NOL4L: variants seen among roughly 807,000 people sequenced by gnomAD.
NOL4L encodes the protein nucleolar protein 4-like.
A neutral mutation model predicts 64.5 loss-of-function variants in NOL4L; 7 were observed. That is an observed-to-expected ratio of 0.11 (90% confidence interval 0.06 to 0.20). The LOEUF is 0.20. Among genes scored for constraint, NOL4L ranks in the 10% least tolerant of loss-of-function variants. NOL4L has a pLI of 1.00. For synonymous variants in NOL4L, 413 were observed against 401.0 expected, an observed-to-expected ratio of 1.03 and a Z score of -0.36; for missense variants, 680 against 967.1, an observed-to-expected ratio of 0.70 and a Z score of 3.94.
At position 32,453,382 on chromosome 20, in the gene NOL4L, C is replaced by G. The variant is rs1316130755; in HGVS notation, c.1419G>C (p.Glu473Asp). The change falls in exon 8 of 11, where the codon GAG becomes GAC. Residue 473 changes from glutamate (E) to aspartate (D), a missense_variant. This residue lies in a region of NOL4L where 70 missense variants were observed against 166.1 expected (regional missense o/e 0.42). Transcript: ENST00000621426. This position sits in a 1 kb window ranked among gnomAD's most constrained non-coding sequence, Gnocchi z 5.6. ...IIESCSRQFP[E>D]FQERARKRIR... ...TGCGCTTGCGGGCCCGCTCCTGGAA[C>G]TCAGGGAACTGCCGGCTGCAGGACT... The G allele has an allele frequency of 1.2e-6, 2 of 1,614,018 alleles. No homozygotes were observed. Among genetic ancestry groups the G allele is most frequent in the African/African-American group, 1.3e-5 (1 of 74,912 alleles).
intron 10 of NOL4L, among the ~76,000 whole-genome samples, chr20:32,450,805 G>A (rs368934435): frequency 1.3e-5 from 2 of 152,266 alleles, no homozygotes; most frequent in East Asian, 3.9e-4. Flanking sequence ...TTTCTTCCTG[G>A]AATGAAAGGA....
At chr20:32,535,313 C>G (rs2018483362) in intron 1 of NOL4L, 1 of 151,130 alleles carries the variant, frequency 6.6e-6, no homozygotes, top group Admixed American at 6.6e-5. Context: ...GAATTTACCC[C>G]AGAATTTTAG....
At chr20:32,490,461 T>C (rs1280797777) in intron 4 of NOL4L, among the ~76,000 whole-genome samples, 2 of 152,106 alleles carry the variant, frequency 1.3e-5, no homozygotes, top group Admixed American at 6.5e-5. Context: ...GAGGAGGATG[T>C]GGAGAATCCA....
At chr20:32,473,658 TC>T (rs1249448406) in intron 5 of NOL4L, among the ~76,000 whole-genome samples, 2 of 152,046 alleles carry the variant, frequency 1.3e-5, no homozygotes, top group African/African-American at 2.4e-5. Flanking sequence ...ACAGCAAGGC[TC>T]CTACCCCTTA....
chr20:32,453,710 C>A lies in NOL4L; in HGVS notation c.1171G>T (p.Gly391Cys). ...SYDSIKTEVSGCPEDLTVGRA... is the reference protein window; with the variant it reads ...SYDSIKTEVSCCPEDLTVGRA... The stretch of plus-strand genomic sequence containing the variant: ...CCCACTGTCAGGTCCTCAGGGCAGC[C>A]GCTGACCTCGGTCTTGATGGAATCG... Residue 391 changes from glycine to cysteine, a missense_variant, in exon 7 of 11, where the codon GGC (glycine) becomes TGC (cysteine). Gly to Cys is a radical substitution (Grantham distance 159). Around this residue, in one of 4 missense-constraint regions of NOL4L, gnomAD observed 254 missense variants for 238.7 expected, o/e 1.06. Coordinates refer to ENST00000621426, the MANE Select transcript of NOL4L (RefSeq NM_001256798.2). This position sits in a 1 kb window ranked among gnomAD's most constrained non-coding sequence, Gnocchi z 5.6. 6.4e-7 allele frequency: 1 copy of A among 1,559,074 alleles called. No individual in the cohort carries two copies. Among genetic ancestry groups the A allele is most frequent in the Non-Finnish European group, 8.7e-7 (1 of 1,151,086 alleles).
intron 1 of NOL4L, among the ~76,000 whole-genome samples, chr20:32,569,706 C>T (rs1979643486): frequency 6.6e-6 from 1 of 152,124 alleles, no homozygotes; most frequent in African/African-American, 2.4e-5. Context: ...ACACCAGCCC[C>T]TAGGCTGCCC....
intron 1 of NOL4L, among the ~76,000 whole-genome samples, chr20:32,544,205 G>A (rs1479150089): frequency 6.6e-6 from 1 of 152,044 alleles, no homozygotes; most frequent in African/African-American, 2.4e-5. Flanking sequence ...AGGCAGGGAA[G>A]CCATGGGGAG....
intron 5 of NOL4L, among the ~76,000 whole-genome samples, chr20:32,472,065 C>A (rs911626159): frequency 6.6e-5 from 10 of 152,228 alleles, no homozygotes; most frequent in Non-Finnish European, 1.3e-4. Context: ...AGTCCCCACA[C>A]TCCCGGCGAA....
intron 10 of NOL4L, chr20:32,450,034 C>G (rs1248781821): frequency 6.6e-6 from 1 of 152,306 alleles, no homozygotes; most frequent in Non-Finnish European, 1.5e-5. Flanking sequence ...TGGAGACACC[C>G]CCGTGTAGAC....
rs967263654 is a variant in NOL4L, at chr20:32,446,477, C to A, written c.*1119G>T. On this transcript the variant is annotated 3_prime_UTR_variant, in exon 11 of 11. Coordinates refer to ENST00000621426, the MANE Select transcript of NOL4L (RefSeq NM_001256798.2). ...CCGGGGCTCACCCTGAAGAAGTGGCCCCTCTTGGCAGGAGTGAGTCTGAGG... is the reference window on the plus strand; with the variant it reads ...CCGGGGCTCACCCTGAAGAAGTGGCACCTCTTGGCAGGAGTGAGTCTGAGG... 1 of 152,306 alleles carries A rather than the reference C, an allele frequency of 6.6e-6. No individual in the cohort carries two copies. The highest frequency in any genetic ancestry group is 1.5e-5 in the Non-Finnish European group (1 of 68,118). 9.4% of individuals were successfully genotyped at this position (152,306 alleles called of 1,614,324 possible).
chr20:32,452,339 A>G lies in NOL4L; in HGVS notation c.1719T>C (p.Pro573=), dbSNP rs752411871. Residue 573 remains proline (P), a synonymous_variant, in exon 10 of 11, where the codon CCT becomes CCC. Coordinates refer to ENST00000621426, the MANE Select transcript of NOL4L (RefSeq NM_001256798.2). The part of the protein sequence containing the change: ...SLPASSYSQD[P]VYANGGLNYS... ...AGTTGAGGCCGCCGTTGGCGTACAC[A>G]GGGTCCTGGGAGTAGGAGGAGGCTG... is the stretch of plus-strand genomic sequence containing the variant. The G allele has an allele frequency of 2.9e-5, 47 of 1,610,324 alleles. 1 individual carries two copies. The highest frequency in any genetic ancestry group is 1.8e-4 in the Admixed American group (11 of 59,654).
chr20:32,473,932 C>T (rs372391036), intron 5 of NOL4L, among the ~76,000 whole-genome samples: 2 of 152,230 alleles, frequency 1.3e-5, no homozygotes, highest in African/African-American at 4.8e-5. Flanking sequence ...GGTCCCAGAG[C>T]CCAACCACTT....
chr20:32,531,162 G>A (rs980878529), intron 1 of NOL4L, among the ~76,000 whole-genome samples: 2 of 152,140 alleles, frequency 1.3e-5, no homozygotes, highest in Non-Finnish European at 2.9e-5. Context: ...AGGCTTAGCT[G>A]CTTAAAGGCC....
intron 1 of NOL4L, among the ~76,000 whole-genome samples, chr20:32,580,527 A>G (rs757198617): frequency 6.6e-5 from 10 of 152,136 alleles, no homozygotes; most frequent in Admixed American, 1.3e-4. Context: ...GGAAAAGACC[A>G]CCATTAGTCA....
chr20:32,474,467 T>C, intron 5 of NOL4L, 134 bp downstream of exon 5: 2 of 1,080,540 alleles, frequency 1.9e-6, no homozygotes, highest in South Asian at 1.8e-5. Flanking sequence ...CAGTGCAAGC[T>C]TGGGCCTGAG....
Position 32,584,133 on chromosome 20 carries a change from GCA to G in NOL4L, c.321+435_321+436del, listed in dbSNP as rs745461984. 9.8e-3 allele frequency among the ~76,000 whole-genome samples: 870 copies of G among 88,666 alleles called. 9 individuals carry two copies. Among genetic ancestry groups the G allele is most frequent in the African/African-American group, 0.018 (351 of 19,152 alleles). The allele number at this position is 88,666 out of a possible 152,430, so 58.2% of individuals were successfully genotyped here. The stretch of plus-strand genomic sequence containing the variant: ...CCCCGCGGCACCACCCTCCGCGCGC[GCA>G]CACACACACACACACACACACACAC... On this transcript the variant is annotated intron_variant, in intron 1 of 10. Transcript: ENST00000621426.
intron 2 of NOL4L, among the ~76,000 whole-genome samples, chr20:32,527,349 C>T (rs774205902): frequency 7.9e-5 from 12 of 152,182 alleles, no homozygotes; most frequent in Non-Finnish European, 1.3e-4. Context: ...ACAGGCCTGG[C>T]ATGCAGTAAA....
chr20:32,450,155 TTCTA>T (rs960616686), intron 10 of NOL4L: 1 of 152,214 alleles, frequency 6.6e-6, no homozygotes, highest in Non-Finnish European at 1.5e-5. Context: ...CCGAGCCTGA[TTCTA>T]TCTAAGCTGA....
chr20:32,447,894 T>C, intron 10 of NOL4L, 78 bp from the exon 11 acceptor site: 1 of 1,497,092 alleles, frequency 6.7e-7, no homozygotes. Context: ...CTTGGCACTG[T>C]CATAACCTAT....
Sources: allele counts gnomAD v4.1 joint callset (sites outside exome capture counted in the v4.1 genomes callset), GRCh38; gene constraint gnomAD v4.1.1; regional missense constraint gnomAD v4.1.1; non-coding constraint Gnocchi (gnomAD v3.1); transcripts MANE v1.5; gene names NCBI Gene and HGNC (gene_info 2026-07-23, HGNC 2026-07-21).